The following VPS13D variants were observed in gnomAD, a reference collection of about 807,000 sequenced individuals.
The protein encoded by VPS13D is vacuolar protein sorting 13 homolog D.
VPS13D carries 187 observed loss-of-function variants against 461.9 expected under a neutral mutation model. That is an observed-to-expected ratio of 0.40 (90% CI 0.36 to 0.46). VPS13D has a LOEUF of 0.46. Among genes scored for constraint, VPS13D ranks in the 20% least tolerant of loss-of-function variants. The pLI is 0.60. For synonymous variants in VPS13D, 1,951 were observed against 1,986.3 expected (o/e 0.98, Z 0.47); for missense variants, 4,711 against 5,364.9 (o/e 0.88, Z 3.81).
chr1:12,329,264 A>G (rs184266510), intron 36 of VPS13D, among the ~76,000 whole-genome samples: 1 of 151,936 alleles, frequency 6.6e-6, no homozygotes, highest in Admixed American at 6.6e-5. Flanking sequence ...GCCGGGCTGG[A>G]GTGCAGTGGC....
intron 65 of VPS13D, among the ~76,000 whole-genome samples, chr1:12,427,054 A>G (rs1371744652): frequency 2.6e-5 from 4 of 151,968 alleles, no homozygotes; most frequent in Non-Finnish European, 5.9e-5. Flanking sequence ...AGTTCTGTTG[A>G]ACTGAACTAT....
In VPS13D at chr1:12,276,178, T is replaced by A; in HGVS notation, c.2590T>A (p.Tyr864Asn). Residue 864 changes from tyrosine (Y) to asparagine (N), a missense_variant, in exon 19 of 70, where the codon TAT becomes AAT. Physicochemically the swap from Tyr to Asn is moderately radical, Grantham distance 143 (BLOSUM62 -2). Around this residue, in one of 3 missense-constraint regions of VPS13D, gnomAD observed 4,411 missense variants for 4,937.8 expected, o/e 0.89. Transcript: ENST00000620676. This position sits in a 1 kb window ranked among gnomAD's most constrained non-coding sequence, Gnocchi z 4.5. Reference sequence around the variant, plus strand: ...CCTACAGTTAGAGCGTCGATTGATTTATACTTCAGATCCCAAATATCCAGG... The same window carrying A: ...CCTACAGTTAGAGCGTCGATTGATTAATACTTCAGATCCCAAATATCCAGG... ...VHLQLERRLI[Y>N]TSDPKYPGAV... 1 of 1,614,138 alleles carries A rather than the reference T, an allele frequency of 6.2e-7. No homozygotes were observed. The highest frequency in any genetic ancestry group is 8.5e-7 in the Non-Finnish European group (1 of 1,180,028).
At chr1:12,351,541 T>C (rs1643794504) in intron 46 of VPS13D, among the ~76,000 whole-genome samples, 2 of 151,978 alleles carry the variant, frequency 1.3e-5, no homozygotes, top group Non-Finnish European at 2.9e-5. Flanking sequence ...CCACCCACCT[T>C]GGCCTCCCAA....
chr1:12,428,319 C>A (rs1009416893), intron 65 of VPS13D, among the ~76,000 whole-genome samples: 1 of 152,212 alleles, frequency 6.6e-6, no homozygotes, highest in Non-Finnish European at 1.5e-5. Flanking sequence ...ATCACACTCA[C>A]CTCCAGCAGG....
chr1:12,267,164 A>G (rs1260975987), intron 14 of VPS13D, among the ~76,000 whole-genome samples, 153 bp downstream of exon 14: 2 of 152,196 alleles, frequency 1.3e-5, no homozygotes, highest in African/African-American at 2.4e-5. Flanking sequence ...TAAAGAGCAA[A>G]TGTTGGTGAC....
chr1:12,418,207 C>G (rs927583709), intron 65 of VPS13D, among the ~76,000 whole-genome samples: 5 of 152,172 alleles, frequency 3.3e-5, no homozygotes, highest in Non-Finnish European at 7.4e-5. Flanking sequence ...TGTACCCAGA[C>G]AGCAACAGTC....
intron 68 of VPS13D, 138 bp downstream of exon 68, chr1:12,497,769 A>G (rs1645980173): frequency 2.6e-6 from 3 of 1,142,110 alleles, no homozygotes; most frequent in East Asian, 2.8e-5. Context: ...CCTTGCCCCA[A>G]ATGTTTTTTA....
At chr1:12,269,900 A>T (rs1012030201) in intron 16 of VPS13D, among the ~76,000 whole-genome samples, 3 of 152,130 alleles carry the variant, frequency 2.0e-5, no homozygotes, top group Non-Finnish European at 4.4e-5. Context: ...GTAATCCTAG[A>T]ACTTTGAGAG....
chr1:12,320,163 A>T (rs1036436278), intron 32 of VPS13D, among the ~76,000 whole-genome samples: 2 of 152,238 alleles, frequency 1.3e-5, no homozygotes, highest in South Asian at 2.1e-4. Flanking sequence ...GCGCATGGAT[A>T]ATAGTGGTGC....
rs892066250 is a variant in VPS13D, at chr1:12,497,623, G to A, written c.12786G>A (p.Gln4262=). ...TCTTCAAACTCACAGACAACATACA[G>A]GACGAATTGTAAGTTAGAGCATGGG... is the stretch of plus-strand genomic sequence containing the variant. ...EQLFKLTDNI[Q]DEFFIAVENI... Residue 4262 remains glutamine, a synonymous_variant, in exon 68 of 70, where the codon CAG becomes CAA. Transcript: ENST00000620676. 6.2e-7 allele frequency: 1 copy of A among 1,612,830 alleles called. No homozygotes were observed. Among genetic ancestry groups the A allele is most frequent in the African/African-American group, 1.3e-5 (1 of 74,996 alleles).
At chr1:12,350,790 T>C (rs139212395) in intron 46 of VPS13D, among the ~76,000 whole-genome samples, 730 of 152,242 alleles carry the variant, frequency 4.8e-3, no homozygotes, top group African/African-American at 0.017. Context: ...TTTGACAAAC[T>C]TCTAGCAAGA....
chr1:12,264,907 A>G (rs1447465603), intron 13 of VPS13D, among the ~76,000 whole-genome samples: 2 of 152,216 alleles, frequency 1.3e-5, no homozygotes, highest in African/African-American at 2.4e-5. Context: ...CAAAGCTTCA[A>G]AGAACAGGCT....
intron 54 of VPS13D, among the ~76,000 whole-genome samples, chr1:12,373,131 T>G (rs1404046613): frequency 6.8e-6 from 1 of 147,444 alleles, no homozygotes; most frequent in African/African-American, 2.5e-5. Flanking sequence ...TTGCTTTTTT[T>G]GGGGGTTGGG....
At chr1:12,360,120 C>A (rs1476720011) in intron 50 of VPS13D, among the ~76,000 whole-genome samples, 1 of 152,168 alleles carries the variant, frequency 6.6e-6, no homozygotes, top group African/African-American at 2.4e-5. Flanking sequence ...TAGGAGCATT[C>A]ACTAAAGCTC....
chr1:12,289,577 T>C (rs1352372259), intron 22 of VPS13D, among the ~76,000 whole-genome samples: 2 of 151,906 alleles, frequency 1.3e-5, no homozygotes, highest in Non-Finnish European at 2.9e-5. Flanking sequence ...TTTTTTTTTT[T>C]CCTTCTTACA....
Position 12,460,231 on chromosome 1 carries a change from C to A in VPS13D, c.12497C>A (p.Thr4166Asn). 1 of 1,609,198 alleles carries A rather than the reference C, an allele frequency of 6.2e-7. No individual in the cohort carries two copies. Among genetic ancestry groups the A allele is most frequent in the South Asian group, 1.1e-5 (1 of 90,178 alleles). ...GIIGGLTSVI[T>N]STVEGVKTEG... ...ATTGGTGGACTGACCAGTGTTATAA[C>A]TTCGACAGTGGAAGGTGTGAAAACA... The change falls in exon 67 of 70, where the codon ACT becomes AAT. Residue 4166 changes from threonine (T) to asparagine (N), a missense_variant. By Grantham distance (65) the Thr-to-Asn change is moderately conservative. Transcript: ENST00000620676.
intron 35 of VPS13D, among the ~76,000 whole-genome samples, chr1:12,324,079 T>C (rs971534419): frequency 1.2e-4 from 19 of 152,170 alleles, no homozygotes; most frequent in African/African-American, 4.6e-4. Context: ...TAGGTAATTT[T>C]TGTATTTTTA....
intron 23 of VPS13D, among the ~76,000 whole-genome samples, chr1:12,291,944 G>A (rs771849572): frequency 1.2e-4 from 18 of 152,068 alleles, no homozygotes; most frequent in Non-Finnish European, 2.5e-4. Flanking sequence ...GGATCTTCAG[G>A]CATGGCTGGT....
At chr1:12,268,157 C>G (rs1402947259) in intron 15 of VPS13D, among the ~76,000 whole-genome samples, 1 of 150,608 alleles carries the variant, frequency 6.6e-6, no homozygotes, top group African/African-American at 2.4e-5. Flanking sequence ...GCTTTGTTGT[C>G]CAGGCTGGTC....
Sources: gnomAD v4.1 joint callset for allele counts (sites outside exome capture counted in the v4.1 genomes callset) on GRCh38, gnomAD v4.1.1 for gene constraint, gnomAD v4.1.1 regional missense constraint, Gnocchi (gnomAD v3.1) non-coding constraint, MANE v1.5 for transcripts, NCBI Gene and HGNC (gene_info 2026-07-23, HGNC 2026-07-21) for gene names.